Variants in SRGAP3 observed in about 807,000 individuals in gnomAD.
SRGAP3 encodes SLIT-ROBO Rho GTPase activating protein 3.
Under a neutral mutation model 121.1 loss-of-function variants are expected in SRGAP3, and 39 were observed. That is an observed-to-expected ratio of 0.32 (90% CI 0.25 to 0.42). The LOEUF is 0.42. SRGAP3 is among the 10% of genes least tolerant of loss of function. The pLI, the probability that SRGAP3 is intolerant of heterozygous loss-of-function variation, is 1.00. For missense variants in SRGAP3, 1,213 were observed against 1,470.6 expected, an observed-to-expected ratio of 0.82 and a Z score of 2.86; for synonymous variants, 601 against 570.0, an observed-to-expected ratio of 1.05 and a Z score of -0.77.
At position 8,986,579 on chromosome 3, in the gene SRGAP3, A is replaced by G. The variant is rs1424270687; in HGVS notation, c.2887-647T>C. On this transcript the variant is annotated intron_variant, in intron 21 of 21. Coordinates refer to ENST00000383836, the MANE Select transcript of SRGAP3 (RefSeq NM_014850.4). ...GCCCAAGGTCACACAGCTAATTAGC[A>G]GCATAGCCCAAGTCTGAACCCAGTC... Among the ~76,000 whole-genome samples the G allele has an allele frequency of 2.0e-5, 3 of 152,210 alleles. No homozygotes were observed. The East Asian group carries it at 5.8e-4, about 29-fold the overall frequency.
Position 9,104,727 on chromosome 3 carries a change from C to G in SRGAP3, c.376G>C (p.Val126Leu). The change falls in exon 3 of 22, where the codon GTC (valine) becomes CTC (leucine). Residue 126 changes from valine (V) to leucine (L), a missense_variant. By Grantham distance (32) the Val-to-Leu change is conservative. Around this residue, in one of 2 missense-constraint regions of SRGAP3, gnomAD observed 793 missense variants for 1,032.9 expected, o/e 0.77. Coordinates refer to ENST00000383836, the MANE Select transcript of SRGAP3 (RefSeq NM_014850.4). The stretch of plus-strand genomic sequence containing the variant: ...TCCTCACTGATCTGGGAGAGGCGGA[C>G]GATGACATTGTTCATGAAGATGTCA... ...LNDIFMNNVI[V>L]RLSQISEDVI... is the part of the protein sequence containing the mutation. 1 of 1,614,190 alleles carries G rather than the reference C, an allele frequency of 6.2e-7. No homozygotes were observed. The highest frequency in any genetic ancestry group is 8.5e-7 in the Non-Finnish European group (1 of 1,180,040).
chr3:9,351,715 T>C (rs1014652246), intron 1 of SRGAP3, among the ~76,000 whole-genome samples: 2 of 152,216 alleles, frequency 1.3e-5, no homozygotes, highest in African/African-American at 4.8e-5. Flanking sequence ...TGTGTTACAA[T>C]TGCCTACAGT....
At chr3:9,313,615 T>G (rs1574995807) in intron 3 of SRGAP3, among the ~76,000 whole-genome samples, 2 of 151,870 alleles carry the variant, frequency 1.3e-5, no homozygotes, top group South Asian at 4.2e-4. Context: ...AGGCAGAGGT[T>G]GCAGTGAGCC....
At chr3:9,082,460 A>G (rs1219788486) in intron 3 of SRGAP3, among the ~76,000 whole-genome samples, 4 of 152,328 alleles carry the variant, frequency 2.6e-5, no homozygotes, top group Admixed American at 2.6e-4. Context: ...CCAGACATCA[A>G]ATCTGTCAGT....
intron 1 of SRGAP3, among the ~76,000 whole-genome samples, chr3:9,138,599 A>G (rs554091410): frequency 6.6e-6 from 1 of 152,198 alleles, no homozygotes; most frequent in African/African-American, 2.4e-5. Context: ...ATCATCCTGT[A>G]TATATACAGA....
intron 1 of SRGAP3, among the ~76,000 whole-genome samples, chr3:9,180,487 C>T (rs965938090): frequency 6.6e-6 from 1 of 152,194 alleles, no homozygotes; most frequent in Non-Finnish European, 1.5e-5. Context: ...CCTCAACCAC[C>T]AAGATGAACT....
chr3:9,064,861 T>TAATAAATAAATAAATA lies in SRGAP3; in HGVS notation c.487-296_487-281dup, dbSNP rs58800068. On this transcript the variant is annotated intron_variant, in intron 4 of 21. Transcript: ENST00000383836. ...TAGTAAAGAGGAAATTAAAAAATAATAATAAATAAATAAATAAATAAATAA... is the reference window on the plus strand; with the variant it reads ...TAGTAAAGAGGAAATTAAAAAATAATAATAAATAAATAAATAAATAAATAAATAAATAAATAAATAA... 7.0e-4 allele frequency among the ~76,000 whole-genome samples: 105 copies of TAATAAATAAATAAATA among 149,850 alleles called. 2 individuals carry two copies. Among genetic ancestry groups the TAATAAATAAATAAATA allele is most frequent in the African/African-American group, 2.5e-3 (103 of 40,712 alleles).
At chr3:9,210,895 A>G (rs1952424433) in intron 1 of SRGAP3, among the ~76,000 whole-genome samples, 1 of 152,210 alleles carries the variant, frequency 6.6e-6, no homozygotes, top group Admixed American at 6.5e-5. Flanking sequence ...AAATTTTTTT[A>G]AAGAAGCAAA....
intron 1 of SRGAP3, among the ~76,000 whole-genome samples, chr3:9,127,567 T>C (rs1439047988): frequency 6.6e-6 from 1 of 152,080 alleles, no homozygotes; most frequent in Admixed American, 6.5e-5. Flanking sequence ...CCTGCCTCGG[T>C]CTCTAGAGTA....
At chr3:9,277,258 T>A (rs1954602114) in intron 3 of SRGAP3, among the ~76,000 whole-genome samples, 2 of 151,372 alleles carry the variant, frequency 1.3e-5, no homozygotes, top group East Asian at 3.9e-4. Context: ...GAAATAAGAG[T>A]TCAGATAAAG....
rs542539414 is a variant in SRGAP3, at chr3:9,239,645, C to G, written c.67+9240G>C. Among the ~76,000 whole-genome samples the G allele has an allele frequency of 6.6e-6, 1 of 152,158 alleles. No homozygotes were observed. Among genetic ancestry groups the G allele is most frequent in the Non-Finnish European group, 1.5e-5 (1 of 68,032 alleles). On this transcript the variant is annotated intron_variant, in intron 1 of 21. Coordinates refer to ENST00000383836, the MANE Select transcript of SRGAP3 (RefSeq NM_014850.4). This position sits in a 1 kb window ranked among gnomAD's most constrained non-coding sequence, Gnocchi z 4.0. The stretch of plus-strand genomic sequence containing the variant: ...TTACCATCACGCACAGATGGGCACA[C>G]GCAATGCATATTGATTAGGGCTGCA...
rs1574911757 is a variant in SRGAP3 at position 9,015,486 on chromosome 3, C to T, written c.1813+111G>A. 2.1e-6 allele frequency: 3 copies of T among 1,419,772 alleles called. No homozygotes were observed. In the South Asian group the frequency reaches 3.5e-5, roughly 17 times the overall value. 87.9% of individuals were successfully genotyped at this position (1,419,772 alleles called of 1,614,324 possible). On this transcript the variant is annotated intron_variant, in intron 15 of 21. Coordinates refer to ENST00000383836, the MANE Select transcript of SRGAP3 (RefSeq NM_014850.4). Reference sequence around the variant, plus strand: ...CAGTTCTACGAGGATGCACGTCACACTTCGCCTTTCATAATGTCCCTCCTC... The same window carrying T: ...CAGTTCTACGAGGATGCACGTCACATTTCGCCTTTCATAATGTCCCTCCTC...
chr3:9,196,496 T>A (rs1476592162), intron 1 of SRGAP3, among the ~76,000 whole-genome samples: 1 of 152,258 alleles, frequency 6.6e-6, no homozygotes, highest in Non-Finnish European at 1.5e-5. Flanking sequence ...TTTTATGTTT[T>A]CTTTGCTCTT....
chr3:9,252,341 G>C (rs2668351), upstream of SRGAP3, among the ~76,000 whole-genome samples: 33,672 of 151,920 alleles, frequency 0.22, 3,818 homozygotes, highest in South Asian at 0.29. Flanking sequence ...TGTTGGGCAG[G>C]CTGGTCTCAA....
chr3:9,272,523 G>A (rs191696563), intron 3 of SRGAP3, among the ~76,000 whole-genome samples: 8 of 152,234 alleles, frequency 5.3e-5, no homozygotes, highest in East Asian at 1.9e-4. Flanking sequence ...TTTGTGACTC[G>A]CTTATTTCAC....
intron 1 of SRGAP3, among the ~76,000 whole-genome samples, chr3:9,237,146 G>A (rs2137215): frequency 0.72 from 109,524 of 152,106 alleles, 39,941 homozygotes; most frequent in South Asian, 0.78. Flanking sequence ...ACCCCAAAAC[G>A]TAATATCTAT....
intron 1 of SRGAP3, among the ~76,000 whole-genome samples, chr3:9,223,265 C>T (rs1952873350): frequency 6.6e-6 from 1 of 152,142 alleles, no homozygotes; most frequent in Non-Finnish European, 1.5e-5. Flanking sequence ...GACCATATGG[C>T]CCACAAAGCC....
intron 4 of SRGAP3, among the ~76,000 whole-genome samples, chr3:9,066,324 G>A (rs1166356937): frequency 6.6e-6 from 1 of 152,128 alleles, no homozygotes. Context: ...TCTGTGGCTT[G>A]GATTACTGTA....
In SRGAP3 at chr3:9,248,882, C is replaced by A; in HGVS notation, c.67+3G>T. The A allele has an allele frequency of 6.2e-7, 1 of 1,614,182 alleles. No individual in the cohort carries two copies. Among genetic ancestry groups the A allele is most frequent in the Non-Finnish European group, 8.5e-7 (1 of 1,180,004 alleles). ...AGGAAAACTCTCCCAGCCCGCATCT[C>A]ACCTTTTATTTGGGCTTCATATTCA... On this transcript the variant is annotated splice_donor_region_variant and intron_variant, in intron 1 of 21. Transcript: ENST00000383836.
Sources: allele counts gnomAD v4.1 joint callset (sites outside exome capture counted in the v4.1 genomes callset), GRCh38; gene constraint gnomAD v4.1.1; regional missense constraint gnomAD v4.1.1; non-coding constraint Gnocchi (gnomAD v3.1); transcripts MANE v1.5; gene names NCBI Gene and HGNC (gene_info 2026-07-23, HGNC 2026-07-21).